C12orf75: variants seen among roughly 807,000 people sequenced by gnomAD.
The protein encoded by C12orf75 is chromosome 12 open reading frame 75.
In C12orf75, 4 loss-of-function variants were observed where a neutral mutation model predicts 11.4. The ratio of observed to expected loss-of-function variants is 0.35; its 90% CI spans 0.17 to 0.80. C12orf75 has a LOEUF of 0.80. Ranked by LOEUF, C12orf75 falls within the 30% of genes least tolerant of loss-of-function variation. The pLI is 0.52. For synonymous variants in C12orf75, 30 were observed against 30.0 expected, an observed-to-expected ratio of 1.00 and a Z score of 0.00; for missense variants, 89 against 80.4, an observed-to-expected ratio of 1.11 and a Z score of -0.41.
intron 2 of C12orf75, among the ~76,000 whole-genome samples, chr12:105,360,914 A>G (rs1184309641): frequency 6.6e-6 from 1 of 152,032 alleles, no homozygotes; most frequent in Admixed American, 6.6e-5. Flanking sequence ...TAGCTGAAAT[A>G]ACAGGCACAC....
At chr12:105,331,253 TC>T (rs1892418364) in intron 1 of C12orf75, among the ~76,000 whole-genome samples, 1 of 151,618 alleles carries the variant, frequency 6.6e-6, no homozygotes, top group African/African-American at 2.4e-5. Flanking sequence ...GGGAGAGGAT[TC>T]CCGGACGTGG....
At chr12:105,337,883 G>T (rs1892516434) in intron 1 of C12orf75, among the ~76,000 whole-genome samples, 1 of 152,112 alleles carries the variant, frequency 6.6e-6, no homozygotes, top group African/African-American at 2.4e-5. Context: ...GTATGGTGGG[G>T]GGTGGGGTCA....
At chr12:105,370,124 G>A (rs1660999010) in intron 5 of C12orf75, among the ~76,000 whole-genome samples, 1 of 152,184 alleles carries the variant, frequency 6.6e-6, no homozygotes, top group Non-Finnish European at 1.5e-5. Flanking sequence ...AGTTTCTTCT[G>A]CAGATGACCC....
At chr12:105,332,663 G>A (rs1409754908) in intron 1 of C12orf75, among the ~76,000 whole-genome samples, 1 of 151,576 alleles carries the variant, frequency 6.6e-6, no homozygotes, top group Non-Finnish European at 1.5e-5. Context: ...CCTGGGAGGC[G>A]GAGGTTGCAG....
At chr12:105,336,585 A>G (rs1234642817) in intron 1 of C12orf75, among the ~76,000 whole-genome samples, 3 of 152,218 alleles carry the variant, frequency 2.0e-5, no homozygotes, top group Non-Finnish European at 1.5e-5. Flanking sequence ...GGCATCATTC[A>G]CAGCTGCTGT....
intron 1 of C12orf75, among the ~76,000 whole-genome samples, chr12:105,331,285 TCC>T (rs1892419014): frequency 6.6e-6 from 1 of 151,376 alleles, no homozygotes; most frequent in Non-Finnish European, 1.5e-5. Flanking sequence ...CTCCCCCACC[TCC>T]CACACTTGCT....
At chr12:105,361,282 A>G (rs760683733) in intron 2 of C12orf75, among the ~76,000 whole-genome samples, 3 of 152,184 alleles carry the variant, frequency 2.0e-5, no homozygotes, top group Non-Finnish European at 2.9e-5. Context: ...AAAATCTTTC[A>G]AAATAAAGAG....
chr12:105,344,965 C>CG lies in C12orf75; in HGVS notation c.47-3637_47-3636insG, dbSNP rs934844044. 7.9e-5 allele frequency among the ~76,000 whole-genome samples: 3 copies of CG among 38,196 alleles called. No homozygotes were observed. In the South Asian group the frequency reaches 1.9e-3, roughly 25 times the overall value. The allele number at this position is 38,196 out of a possible 152,430, so 25.1% of individuals were successfully genotyped here. The stretch of plus-strand genomic sequence containing the variant: ...TTAGACGTAAGCTGAAAATTCTAAG[C>CG]CCCCCCCCAACCAATTAAATGGACC... On this transcript the variant is annotated intron_variant, in intron 1 of 5. Coordinates refer to ENST00000443585, the MANE Select transcript of C12orf75 (RefSeq NM_001145199.2).
At chr12:105,331,069 G>T in intron 1 of C12orf75, 132 bp downstream of exon 1, 1 of 550,218 alleles carries the variant, frequency 1.8e-6, no homozygotes, top group East Asian at 3.7e-5. Flanking sequence ...GGAGCAGACC[G>T]CCCGTTTCTG....
At chr12:105,366,934 CTTG>C (rs1446699145) in intron 4 of C12orf75, among the ~76,000 whole-genome samples, 1 of 152,040 alleles carries the variant, frequency 6.6e-6, no homozygotes, top group Non-Finnish European at 1.5e-5. Flanking sequence ...TTTTTAATTT[CTTG>C]TTAATTTTAG....
At position 105,354,161 on chromosome 12, in the gene C12orf75, G is replaced by T. The variant is rs1221174882; in HGVS notation, c.71+5535G>T. Among the ~76,000 whole-genome samples the T allele has an allele frequency of 2.6e-5, 4 of 152,190 alleles. No individual in the cohort carries two copies. The East Asian group carries it at 7.7e-4, about 29-fold the overall frequency. ...GTCTTCTGAGGGTGAAGAGGATGGG[G>T]TTGAAGTAGCATTGAAAAAGCCTGC... On this transcript the variant is annotated intron_variant, in intron 2 of 5. Transcript: ENST00000443585.
intron 1 of C12orf75, among the ~76,000 whole-genome samples, chr12:105,340,311 G>A (rs1892552975): frequency 6.6e-6 from 1 of 151,748 alleles, no homozygotes; most frequent in Non-Finnish European, 1.5e-5. Flanking sequence ...TGTGGTCCTA[G>A]CTACTTGGGA....
chr12:105,333,014 A>G (rs796812246), intron 1 of C12orf75, among the ~76,000 whole-genome samples: 1 of 151,768 alleles, frequency 6.6e-6, no homozygotes, highest in Admixed American at 6.6e-5. Context: ...AGAGCATGCT[A>G]TTCTCTCCTC....
At chr12:105,369,076 A>G (rs550143253) in intron 5 of C12orf75, among the ~76,000 whole-genome samples, 1 of 152,368 alleles carries the variant, frequency 6.6e-6, no homozygotes, top group Admixed American at 6.5e-5. Flanking sequence ...TTCAAAAAGC[A>G]TAGAAATAGA....
chr12:105,341,829 G>T (rs776903103), intron 1 of C12orf75, among the ~76,000 whole-genome samples: 8 of 152,220 alleles, frequency 5.3e-5, no homozygotes, highest in Non-Finnish European at 8.8e-5. Context: ...CCAGATGGAG[G>T]TAACTGAATC....
intron 2 of C12orf75, among the ~76,000 whole-genome samples, chr12:105,364,377 A>G (rs1187341301): frequency 3.3e-5 from 5 of 152,198 alleles, no homozygotes; most frequent in Non-Finnish European, 7.4e-5. Context: ...CATCTAGTGA[A>G]TTTAGGTTAT....
chr12:105,355,114 T>A (rs1312255620), intron 2 of C12orf75, among the ~76,000 whole-genome samples: 1 of 151,254 alleles, frequency 6.6e-6, no homozygotes, highest in African/African-American at 2.4e-5. Flanking sequence ...ATAGAGGAAG[T>A]CAGCAAAATA....
intron 3 of C12orf75, chr12:105,366,275 C>G (rs1009015364): frequency 3.1e-5 from 8 of 261,470 alleles, no homozygotes; most frequent in Non-Finnish European, 5.0e-5. Flanking sequence ...CCATGTTGAC[C>G]ACTCTGAATT....
At chr12:105,353,618 A>T (rs1430625183) in intron 2 of C12orf75, 1 of 152,254 alleles carries the variant, frequency 6.6e-6, no homozygotes, top group Non-Finnish European at 1.5e-5. Flanking sequence ...ATTGGAATTT[A>T]ATTGAAAGCA....
Sources: allele counts gnomAD v4.1 joint callset (sites outside exome capture counted in the v4.1 genomes callset), GRCh38; gene constraint gnomAD v4.1.1; transcripts MANE v1.5; gene names NCBI Gene and HGNC (gene_info 2026-07-23, HGNC 2026-07-21).